Variants in ATF2 observed in about 807,000 individuals in gnomAD.
ATF2 encodes the protein cyclic AMP-dependent transcription factor ATF-2.
Under a neutral mutation model 60.6 loss-of-function variants are expected in ATF2, and 24 were observed. The observed-to-expected ratio is 0.40, with a 90% CI of 0.29 to 0.56. The LOEUF is 0.56. ATF2 is among the 20% of genes least tolerant of loss of function. ATF2 has a pLI of 0.54. For missense variants in ATF2, 433 were observed against 607.7 expected (o/e 0.71, Z 3.02); for synonymous variants, 206 against 215.4 (o/e 0.96, Z 0.38).
intron 11 of ATF2, among the ~76,000 whole-genome samples, chr2:175,095,590 T>G (rs955712082): frequency 1.3e-5 from 2 of 152,236 alleles, no homozygotes; most frequent in South Asian, 2.1e-4. Context: ...GGAGGCTTCT[T>G]AGAAGTGTAT....
chr2:175,167,811 C>A (rs916471231), intron 1 of ATF2: 2 of 439,432 alleles, frequency 4.6e-6, no homozygotes, highest in African/African-American at 2.0e-5. Flanking sequence ...GAACAACGAA[C>A]GCTGGTTACC....
rs575940204 is a variant in ATF2, at chr2:175,158,412, C to T, written c.-142-7254G>A. On this transcript the variant is annotated intron_variant, in intron 1 of 13. Coordinates refer to ENST00000264110, the MANE Select transcript of ATF2 (RefSeq NM_001880.4). ...CCAGCTAAATTTTTTTTGGAGTGAC[C>T]GGTCTCACGATGTTGCCCAGGCTGG... is the stretch of plus-strand genomic sequence containing the variant. 2.6e-5 allele frequency among the ~76,000 whole-genome samples: 4 copies of T among 151,688 alleles called. No individual in the cohort carries two copies. In the East Asian group the frequency reaches 7.7e-4, roughly 29 times the overall value.
At chr2:175,085,580 A>G (rs1036807395) in intron 12 of ATF2, among the ~76,000 whole-genome samples, 1 of 151,276 alleles carries the variant, frequency 6.6e-6, no homozygotes, top group African/African-American at 2.4e-5. Context: ...ACACACACAC[A>G]CACACACACA....
chr2:175,110,199 G>A (rs191963951), intron 10 of ATF2, among the ~76,000 whole-genome samples: 3 of 152,134 alleles, frequency 2.0e-5, no homozygotes, highest in Admixed American at 2.0e-4. Context: ...GCCAGGCATG[G>A]TGGTGCACAC....
chr2:175,128,266 C>T (rs1022644857), intron 4 of ATF2, among the ~76,000 whole-genome samples: 30 of 152,140 alleles, frequency 2.0e-4, no homozygotes, highest in Non-Finnish European at 3.1e-4. Flanking sequence ...TTTGGGAGGC[C>T]GAGGCAGGCG....
intron 2 of ATF2, 79 bp downstream of exon 2, chr2:175,150,981 C>T (rs963021636): frequency 6.6e-6 from 1 of 152,522 alleles, no homozygotes; most frequent in Admixed American, 6.5e-5. Flanking sequence ...CTGGAAACAT[C>T]TACTAAATTC....
At chr2:175,167,974 G>A (rs1357225582) in intron 1 of ATF2, 76 bp downstream of exon 1, 7 of 328,622 alleles carry the variant, frequency 2.1e-5, no homozygotes, top group East Asian at 7.8e-5. Context: ...GCTGAGCGAC[G>A]TCGCCATGTT....
chr2:175,128,048 G>T (rs1239952963), intron 4 of ATF2, among the ~76,000 whole-genome samples: 1 of 152,104 alleles, frequency 6.6e-6, no homozygotes, highest in Non-Finnish European at 1.5e-5. Context: ...CATAAAAGTT[G>T]ACAGAGTGAT....
intron 13 of ATF2, among the ~76,000 whole-genome samples, chr2:175,075,593 G>A (rs1036350024): frequency 6.6e-6 from 1 of 152,100 alleles, no homozygotes; most frequent in African/African-American, 2.4e-5. Context: ...ACAGAATCCA[G>A]TAATTTCATT....
rs1696726416 is a variant in ATF2 at position 175,118,320 on chromosome 2, A to T, written c.249T>A (p.Gly83=). 1.2e-6 allele frequency: 2 copies of T among 1,610,728 alleles called. No homozygotes were observed. Among genetic ancestry groups the T allele is most frequent in the Non-Finnish European group, 1.7e-6 (2 of 1,178,378 alleles). The change falls in exon 6 of 14, where the codon GGT becomes GGA. Residue 83 remains glycine (G), a synonymous_variant. Transcript: ENST00000264110. Reference sequence around the variant, plus strand: ...ATGGACTCGCCAACTCATTAAACAAACCCACTTCTTCACAGTTTTTCAAGA... The same window carrying T: ...ATGGACTCGCCAACTCATTAAACAATCCCACTTCTTCACAGTTTTTCAAGA... The part of the protein sequence containing the change: ...TRFLKNCEEV[G]LFNELASPFE...
At chr2:175,111,536 G>A in intron 10 of ATF2, 32 bp downstream of exon 10, 2 of 1,554,782 alleles carry the variant, frequency 1.3e-6, no homozygotes, top group Non-Finnish European at 8.9e-7. Flanking sequence ...ACAGCCTCAA[G>A]CAATGTACAG....
intron 2 of ATF2, among the ~76,000 whole-genome samples, chr2:175,150,631 G>A (rs935570376): frequency 6.6e-6 from 1 of 150,962 alleles, no homozygotes; most frequent in South Asian, 2.1e-4. Context: ...AAATAAATTT[G>A]ACATTTTCAT....
intron 7 of ATF2, among the ~76,000 whole-genome samples, 163 bp from the exon 8 acceptor site, chr2:175,115,031 A>C (rs1037364244): frequency 3.9e-5 from 6 of 152,222 alleles, no homozygotes; most frequent in Admixed American, 2.0e-4. Context: ...AGAGCTGTAA[A>C]GATTCAAATG....
At chr2:175,131,419 C>T (rs1231929507) in intron 3 of ATF2, among the ~76,000 whole-genome samples, 1 of 152,156 alleles carries the variant, frequency 6.6e-6, no homozygotes, top group Non-Finnish European at 1.5e-5. Flanking sequence ...AAGACTGAGG[C>T]AGACACTGAG....
chr2:175,107,320 G>A (rs1019342411), intron 10 of ATF2, among the ~76,000 whole-genome samples: 8 of 152,104 alleles, frequency 5.3e-5, no homozygotes, highest in African/African-American at 1.9e-4. Flanking sequence ...ATTCCCACAC[G>A]CTGCTGGTAG....
At chr2:175,142,683 G>A (rs1229710843) in intron 2 of ATF2, among the ~76,000 whole-genome samples, 2 of 114,750 alleles carry the variant, frequency 1.7e-5, no homozygotes, top group East Asian at 2.5e-4. Context: ...TAACGCTGCC[G>A]AAAGAGAGAG....
intron 10 of ATF2, among the ~76,000 whole-genome samples, chr2:175,105,552 A>G (rs1695597760): frequency 6.6e-6 from 1 of 152,200 alleles, no homozygotes; most frequent in South Asian, 2.1e-4. Flanking sequence ...ATTGATAGAA[A>G]TAGCTGTTAA....
intron 12 of ATF2, among the ~76,000 whole-genome samples, chr2:175,088,532 C>T (rs897942376): frequency 7.9e-5 from 12 of 152,154 alleles, no homozygotes; most frequent in African/African-American, 2.9e-4. Context: ...ACTCCACACA[C>T]ATTTTGCAGT....
chr2:175,087,581 T>C (rs1365696756), intron 12 of ATF2, among the ~76,000 whole-genome samples: 1 of 152,172 alleles, frequency 6.6e-6, no homozygotes, highest in Non-Finnish European at 1.5e-5. Context: ...CCTAAATTTA[T>C]GATCTTTGAC....
Sources: allele counts gnomAD v4.1 joint callset (sites outside exome capture counted in the v4.1 genomes callset), GRCh38; gene constraint gnomAD v4.1.1; transcripts MANE v1.5; gene names NCBI Gene and HGNC (gene_info 2026-07-23, HGNC 2026-07-21).